Variants in SYT2 observed in about 807,000 individuals in gnomAD.
SYT2 encodes the protein synaptotagmin 2.
In SYT2, 15 loss-of-function variants were observed where a neutral mutation model predicts 39.9. The observed-to-expected ratio is 0.38, with a 90% CI of 0.25 to 0.58. The LOEUF is 0.58. SYT2 is among the 20% of genes least tolerant of loss of function. SYT2 has a pLI of 0.70. For synonymous variants in SYT2, 181 were observed against 204.5 expected, an observed-to-expected ratio of 0.89 and a Z score of 0.98; for missense variants, 389 against 530.3, an observed-to-expected ratio of 0.73 and a Z score of 2.62.
chr1:202,686,207 G>A lies in SYT2; in HGVS notation c.-18+24051C>T, dbSNP rs149772429. Among the ~76,000 whole-genome samples the A allele has an allele frequency of 1.4e-3, 216 of 152,254 alleles. 2 individuals are homozygous for A. Among genetic ancestry groups the A allele is most frequent in the African/African-American group, 3.7e-3 (155 of 41,546 alleles). On this transcript the variant is annotated intron_variant, in intron 1 of 8. Transcript: ENST00000367268. ...TGATTGGAAGCTTTCTGAGGCCCTC[G>A]CCAGAAACTGATGCTGTCCCCATGC...
intron 1 of SYT2, among the ~76,000 whole-genome samples, chr1:202,656,767 C>T (rs1692284630): frequency 6.6e-6 from 1 of 152,210 alleles, no homozygotes; most frequent in Non-Finnish European, 1.5e-5. Context: ...GCAGGAATTC[C>T]CTAACCAGCC....
chr1:202,706,780 C>T (rs1654263925), intron 1 of SYT2, among the ~76,000 whole-genome samples: 1 of 152,200 alleles, frequency 6.6e-6, no homozygotes, highest in Non-Finnish European at 1.5e-5. Flanking sequence ...GAAGAATCAA[C>T]TTGTTGCCTA....
At chr1:202,689,034 C>A (rs1460908191) in intron 1 of SYT2, among the ~76,000 whole-genome samples, 1 of 152,142 alleles carries the variant, frequency 6.6e-6, no homozygotes, top group Non-Finnish European at 1.5e-5. Flanking sequence ...AGGGAACTTT[C>A]AACCCCCTTG....
rs1023654739 is a variant in SYT2 at position 202,614,950 on chromosome 1, G to C, written c.-17-9161C>G. On this transcript the variant is annotated intron_variant, in intron 1 of 8. Transcript: ENST00000367268. The surrounding 1 kb of genome is among the most constrained non-coding windows in gnomAD (Gnocchi z 4.0). ...GAAGCTGTGGGAGGCCTTTTAGGGT[G>C]GGGGCAGGGGTAACATGTACAAATG... 3.3e-5 allele frequency among the ~76,000 whole-genome samples: 5 copies of C among 152,206 alleles called. No homozygotes were observed. Among genetic ancestry groups the C allele is most frequent in the African/African-American group, 1.2e-4 (5 of 41,458 alleles).
chr1:202,686,317 A>G (rs1438450002), intron 1 of SYT2, among the ~76,000 whole-genome samples: 2 of 152,220 alleles, frequency 1.3e-5, no homozygotes, highest in African/African-American at 4.8e-5. Flanking sequence ...TTATAACAAC[A>G]TAAGAATGGC....
intron 1 of SYT2, among the ~76,000 whole-genome samples, chr1:202,653,229 C>G (rs1244209072): frequency 1.3e-5 from 2 of 152,168 alleles, no homozygotes; most frequent in Non-Finnish European, 2.9e-5. Context: ...CGGACCCCCC[C>G]TGAACCGTCC....
Position 202,642,543 on chromosome 1 carries a change from C to T in SYT2, c.-17-36754G>A, listed in dbSNP as rs541299828. On this transcript the variant is annotated intron_variant, in intron 1 of 8. Transcript: ENST00000367268. Reference sequence around the variant, plus strand: ...CTCTGCAAGCTTGCCAGGATCCCCGCGAGCCTGCTTCCTCCAATGCACAGA... The same window carrying T: ...CTCTGCAAGCTTGCCAGGATCCCCGTGAGCCTGCTTCCTCCAATGCACAGA... Among the ~76,000 whole-genome samples the T allele has an allele frequency of 2.0e-5, 3 of 152,324 alleles. No homozygotes were observed. The East Asian group carries it at 5.8e-4, about 29-fold the overall frequency.
intron 1 of SYT2, among the ~76,000 whole-genome samples, chr1:202,662,344 C>G (rs1015293015): frequency 5.3e-5 from 8 of 152,234 alleles, no homozygotes; most frequent in African/African-American, 1.9e-4. Context: ...CTAATTGATC[C>G]CCCTGCCTGG....
chr1:202,652,679 G>A (rs1692214167), intron 1 of SYT2, among the ~76,000 whole-genome samples: 1 of 152,200 alleles, frequency 6.6e-6, no homozygotes, highest in Non-Finnish European at 1.5e-5. Flanking sequence ...AGCTATCCTG[G>A]GAGGGGGCCG....
intron 1 of SYT2, chr1:202,643,351 G>T: frequency 6.5e-6 from 1 of 152,710 alleles, no homozygotes; most frequent in South Asian, 1.9e-4. Flanking sequence ...GGGGACAGCT[G>T]GGGTCCCGAA....
intron 1 of SYT2, among the ~76,000 whole-genome samples, chr1:202,674,666 T>TAA (rs1653300395): frequency 1.3e-5 from 2 of 152,110 alleles, no homozygotes; most frequent in African/African-American, 2.4e-5. Flanking sequence ...CCAAATCATC[T>TAA]CTCCTCAGCT....
intron 1 of SYT2, among the ~76,000 whole-genome samples, chr1:202,638,854 G>A (rs529570711): frequency 1.3e-5 from 2 of 152,296 alleles, no homozygotes; most frequent in Admixed American, 6.5e-5. Flanking sequence ...CAATGGAAGT[G>A]AGACCAGTGG....
chr1:202,681,086 C>G (rs1653513269), intron 1 of SYT2, among the ~76,000 whole-genome samples: 1 of 152,078 alleles, frequency 6.6e-6, no homozygotes, highest in Admixed American at 6.6e-5. Flanking sequence ...TGGCCAGATC[C>G]TCCCCACCCC....
Position 202,614,535 on chromosome 1 carries a change from A to G in SYT2, c.-17-8746T>C, listed in dbSNP as rs1297877951. ...GCTTCCCTCATGGAATTTACCATGCACTTCACATAAGTGCATATAAAATTG... is the reference window on the plus strand; with the variant it reads ...GCTTCCCTCATGGAATTTACCATGCGCTTCACATAAGTGCATATAAAATTG... On this transcript the variant is annotated intron_variant, in intron 1 of 8. Transcript: ENST00000367268. The surrounding 1 kb of genome is among the most constrained non-coding windows in gnomAD (Gnocchi z 4.0). 1.3e-5 allele frequency among the ~76,000 whole-genome samples: 2 copies of G among 152,246 alleles called. No individual in the cohort carries two copies. Among genetic ancestry groups the G allele is most frequent in the Admixed American group, 1.3e-4 (2 of 15,290 alleles).
intron 1 of SYT2, among the ~76,000 whole-genome samples, chr1:202,609,608 TGTG>T (rs1454316307): frequency 6.6e-6 from 1 of 152,248 alleles, no homozygotes; most frequent in East Asian, 1.9e-4. Flanking sequence ...GATATCTCAT[TGTG>T]GTTTTGATTT....
intron 1 of SYT2, among the ~76,000 whole-genome samples, chr1:202,642,602 C>T (rs75144426): frequency 0.055 from 8,438 of 152,222 alleles, 430 homozygotes; most frequent in African/African-American, 0.13. Flanking sequence ...GGAAAGTTCC[C>T]GGGAGAGGAA....
chr1:202,675,135 C>A (rs957803010), intron 1 of SYT2, among the ~76,000 whole-genome samples: 1 of 152,060 alleles, frequency 6.6e-6, no homozygotes, highest in Non-Finnish European at 1.5e-5. Context: ...TATGTGTGAC[C>A]ATATGATGTC....
intron 1 of SYT2, among the ~76,000 whole-genome samples, chr1:202,673,666 T>C (rs1209377422): frequency 2.0e-5 from 3 of 152,176 alleles, no homozygotes; most frequent in African/African-American, 7.2e-5. Flanking sequence ...CACACCCAGC[T>C]CCTTTCCTTG....
chr1:202,699,181 C>T (rs1654051160), intron 1 of SYT2, among the ~76,000 whole-genome samples: 1 of 151,956 alleles, frequency 6.6e-6, no homozygotes, highest in Non-Finnish European at 1.5e-5. Context: ...CCACCACGTC[C>T]AGCTAATTTT....
Sources: allele counts gnomAD v4.1 joint callset (sites outside exome capture counted in the v4.1 genomes callset), GRCh38; gene constraint gnomAD v4.1.1; non-coding constraint Gnocchi (gnomAD v3.1); transcripts MANE v1.5; gene names NCBI Gene and HGNC (gene_info 2026-07-23, HGNC 2026-07-21).